The following ASIC2 variants were observed in gnomAD, a reference collection of about 807,000 sequenced individuals.
ASIC2 encodes acid sensing ion channel subunit 2.
Under a neutral mutation model 57.3 loss-of-function variants are expected in ASIC2, and 25 were observed. The observed-to-expected ratio is 0.44, with a 90% CI of 0.32 to 0.61. The LOEUF (loss-of-function observed/expected upper bound fraction) is 0.61, where lower values mean the gene tolerates loss of function less well. ASIC2 is among the 20% of genes least tolerant of loss of function. The probability of loss-of-function intolerance (pLI) is 0.06; values close to 1 mark genes in which losing one functional copy is unlikely to be tolerated. For missense variants in ASIC2, 641 were observed against 738.1 expected (o/e 0.87, Z 1.52); for synonymous variants, 319 against 307.5 (o/e 1.04, Z -0.39).
At chr17:33,799,403 T>TTTTCTTTCTTTCTTTCTTTCTTTCTTTC (rs1555562483) in intron 1 of ASIC2, among the ~76,000 whole-genome samples, 2 of 51,312 alleles carry the variant, frequency 3.9e-5, no homozygotes, top group African/African-American at 1.3e-4. Context: ...TCTTTCTTTC[T>TTTTCTTTCTTTCTTTCTTTCTTTCTTTC]TTTCTTTCTT....
At chr17:33,751,202 C>T (rs1910419251) in intron 1 of ASIC2, among the ~76,000 whole-genome samples, 2 of 152,212 alleles carry the variant, frequency 1.3e-5, no homozygotes, top group Middle Eastern at 3.4e-3. Flanking sequence ...TGATTACAGC[C>T]CTATCATTAA....
At chr17:33,856,667 C>T (rs1229776936) in intron 1 of ASIC2, among the ~76,000 whole-genome samples, 1 of 115,470 alleles carries the variant, frequency 8.7e-6, no homozygotes, top group Non-Finnish European at 2.0e-5. Context: ...AGAGGGTGTG[C>T]TCTTTGAGTT....
At chr17:33,239,086 G>T (rs1014061408) in intron 1 of ASIC2, among the ~76,000 whole-genome samples, 1 of 152,092 alleles carries the variant, frequency 6.6e-6, no homozygotes, top group Admixed American at 6.5e-5. Context: ...AAGGTCAGGA[G>T]TTGAAGACCA....
chr17:33,762,671 G>GAT (rs1910821759), intron 1 of ASIC2, among the ~76,000 whole-genome samples: 1 of 152,180 alleles, frequency 6.6e-6, no homozygotes, highest in Admixed American at 6.5e-5. Flanking sequence ...CACAGCAATG[G>GAT]ATACACGACT....
chr17:33,019,146 G>A (rs1342714857), intron 7 of ASIC2, among the ~76,000 whole-genome samples: 2 of 152,174 alleles, frequency 1.3e-5, no homozygotes, highest in Non-Finnish European at 2.9e-5. Context: ...TGATGTACGT[G>A]TGCAGTGTGA....
intron 1 of ASIC2, among the ~76,000 whole-genome samples, chr17:34,097,771 G>A (rs970197643): frequency 1.3e-5 from 2 of 152,072 alleles, no homozygotes; most frequent in African/African-American, 2.4e-5. Flanking sequence ...TATTATGGCA[G>A]CCCTAAGAAA....
intron 1 of ASIC2, among the ~76,000 whole-genome samples, chr17:34,084,378 G>T (rs1910015466): frequency 6.6e-6 from 1 of 152,240 alleles, no homozygotes; most frequent in South Asian, 2.1e-4. Flanking sequence ...TATTTCTGAG[G>T]GCTCTGTTCT....
At position 33,411,466 on chromosome 17, in the gene ASIC2, A is replaced by G. The variant is rs4794948; in HGVS notation, c.556-299399T>C. ...AAATGGTAATTGGATGAGAGTTTTC[A>G]AACAGCCTCCCTTACTGGGCAAGTG... On this transcript the variant is annotated intron_variant, in intron 1 of 9. Coordinates refer to the ASIC2 transcript ENST00000359872. Among the ~76,000 whole-genome samples the G allele has an allele frequency of 6.1e-3, 929 of 152,178 alleles. 12 individuals carry two copies. Among genetic ancestry groups the G allele is most frequent in the African/African-American group, 0.021 (874 of 41,530 alleles).
intron 1 of ASIC2, among the ~76,000 whole-genome samples, chr17:34,096,856 CAAAAAAAAAAAAAAAAA>C (rs71286247): frequency 3.3e-5 from 1 of 30,118 alleles, no homozygotes; most frequent in Admixed American, 8.3e-4. Context: ...GACTCCATCT[CAAAAAAAAAAAAAAAAA>C]AAAAAAAAAA....
intron 3 of ASIC2, among the ~76,000 whole-genome samples, chr17:33,085,539 T>C (rs1852644034): frequency 6.6e-6 from 1 of 152,358 alleles, no homozygotes; most frequent in South Asian, 2.1e-4. Context: ...ATTTTTGCCT[T>C]TGTTAAAGAA....
Position 33,195,955 on chromosome 17 carries a change from C to T in ASIC2, c.709-83888G>A. On this transcript the variant is annotated intron_variant, in intron 1 of 9. Transcript: ENST00000225823. ...CCATTAAACCACAATAACTTTTGCA[C>T]CAACCTAATAAAAATGTGGCAATTA... 1.3e-5 allele frequency among the ~76,000 whole-genome samples: 2 copies of T among 152,170 alleles called. 1 individual carries two copies. Among genetic ancestry groups the T allele is most frequent in the Non-Finnish European group, 2.9e-5 (2 of 68,036 alleles).
intron 1 of ASIC2, among the ~76,000 whole-genome samples, chr17:33,319,259 T>C (rs945483409): frequency 3.3e-5 from 5 of 152,186 alleles, no homozygotes; most frequent in Non-Finnish European, 7.4e-5. Context: ...AACTAGACTT[T>C]CATGCATCCA....
At chr17:33,127,920 C>T (rs975653768) in intron 1 of ASIC2, among the ~76,000 whole-genome samples, 2 of 152,222 alleles carry the variant, frequency 1.3e-5, no homozygotes, top group African/African-American at 4.8e-5. Context: ...AAGACCTGGG[C>T]CCCACCCAAT....
At chr17:33,486,254 T>C (rs1913571755) in intron 1 of ASIC2, among the ~76,000 whole-genome samples, 2 of 152,236 alleles carry the variant, frequency 1.3e-5, no homozygotes, top group South Asian at 4.1e-4. Context: ...ATTAGCTCTA[T>C]GTTGTGGGCA....
chr17:33,186,141 C>T (rs1308635305), intron 1 of ASIC2, among the ~76,000 whole-genome samples: 2 of 151,982 alleles, frequency 1.3e-5, no homozygotes, highest in East Asian at 1.9e-4. Context: ...GACAGAGTCT[C>T]GCTTTGTTTC....
intron 1 of ASIC2, among the ~76,000 whole-genome samples, chr17:33,471,321 A>T (rs141871948): frequency 3.3e-3 from 497 of 152,246 alleles, no homozygotes; most frequent in Non-Finnish European, 5.6e-3. Flanking sequence ...GGTCATTTGA[A>T]TGGGTTAGCT....
At chr17:34,022,540 A>G (rs1907205714) in intron 1 of ASIC2, among the ~76,000 whole-genome samples, 9 of 151,270 alleles carry the variant, frequency 5.9e-5, no homozygotes, top group Admixed American at 4.0e-4. Context: ...AGTATCTGCT[A>G]TGTGCCAAGA....
intron 1 of ASIC2, among the ~76,000 whole-genome samples, chr17:34,059,764 GC>G (rs915379012): frequency 6.6e-6 from 1 of 152,098 alleles, no homozygotes; most frequent in Non-Finnish European, 1.5e-5. Flanking sequence ...AGCAGAGGCA[GC>G]CATAATCCTC....
chr17:34,054,054 C>T (rs937471332), intron 1 of ASIC2, among the ~76,000 whole-genome samples: 5 of 152,320 alleles, frequency 3.3e-5, no homozygotes, highest in South Asian at 2.1e-4. Flanking sequence ...TCATAAGTAC[C>T]GCAAACCTGC....
Sources: gnomAD v4.1 joint callset for allele counts (sites outside exome capture counted in the v4.1 genomes callset) on GRCh38, gnomAD v4.1.1 for gene constraint, MANE v1.5 for transcripts, NCBI Gene and HGNC (gene_info 2026-07-23, HGNC 2026-07-21) for gene names.